Variants in CCNK observed in about 807,000 individuals in gnomAD.
CCNK encodes cyclin-K.
A neutral mutation model predicts 65.0 loss-of-function variants in CCNK; 9 were observed. The observed-to-expected ratio is 0.14, with a 90% CI of 0.08 to 0.24. The LOEUF (loss-of-function observed/expected upper bound fraction) is 0.24. Ranked by LOEUF, CCNK falls within the 10% of genes least tolerant of loss-of-function variation. CCNK has a pLI of 1.00. For missense variants in CCNK, 474 were observed against 720.0 expected (o/e 0.66, Z 3.91); for synonymous variants, 279 against 270.8 (o/e 1.03, Z -0.30).
At chr14:99,503,089 G>C in intron 8 of CCNK, 105 bp downstream of exon 8, 1 of 1,313,010 alleles carries the variant, frequency 7.6e-7, no homozygotes, top group Non-Finnish European at 1.1e-6. Flanking sequence ...ACCGGAAGCA[G>C]GGGGTGTTCG....
rs888943412 is a variant in CCNK at position 99,510,179 on chromosome 14, T to A, written c.1140T>A (p.Ala380=). 5 of 1,599,060 alleles carry A rather than the reference T, an allele frequency of 3.1e-6. No individual in the cohort carries two copies. Among genetic ancestry groups the A allele is most frequent in the Non-Finnish European group, 4.3e-6 (5 of 1,175,966 alleles). ...PPPDRKPPLA[A]ALGEAEPPGP... ...CAGACCGGAAGCCTCCCCTCGCTGCTGCCTTAGGTGAGGCTGAGCCGCCGG... is the reference window on the plus strand; with the variant it reads ...CAGACCGGAAGCCTCCCCTCGCTGCAGCCTTAGGTGAGGCTGAGCCGCCGG... The change falls in exon 11 of 11, where the codon GCT becomes GCA. Residue 380 remains alanine (A), a synonymous_variant. Transcript: ENST00000389879.
intron 1 of CCNK, among the ~76,000 whole-genome samples, chr14:99,489,344 C>CT (rs1436072007): frequency 6.6e-6 from 1 of 152,068 alleles, no homozygotes; most frequent in Non-Finnish European, 1.5e-5. Flanking sequence ...ATTAATGACA[C>CT]TACTAACAGT....
Position 99,510,926 on chromosome 14 carries a change from A to C in CCNK, c.*144A>C. On this transcript the variant is annotated 3_prime_UTR_variant, in exon 11 of 11. Coordinates refer to ENST00000389879, the MANE Select transcript of CCNK (RefSeq NM_001099402.2). Reference sequence around the variant, plus strand: ...AGAATGGACCGGGCCCCTGGGATAAAATCAGAGTGGTCCTCACACCTAGAG... The same window carrying C: ...AGAATGGACCGGGCCCCTGGGATAACATCAGAGTGGTCCTCACACCTAGAG... 1.4e-6 allele frequency: 1 copy of C among 699,012 alleles called. No homozygotes were observed. Among genetic ancestry groups the C allele is most frequent in the South Asian group, 5.4e-5 (1 of 18,678 alleles). 43.3% of individuals were successfully genotyped at this position (699,012 alleles called of 1,614,324 possible). A position where few individuals can be genotyped will look rare whatever the true frequency, so the allele number is the denominator to read the frequency against.
intron 4 of CCNK, among the ~76,000 whole-genome samples, chr14:99,497,511 G>A (rs1367248003): frequency 6.6e-6 from 1 of 152,204 alleles, no homozygotes; most frequent in African/African-American, 2.4e-5. Flanking sequence ...TCATTCAGTG[G>A]CAGGACAGAG....
rs1440555376 is a variant in CCNK at position 99,510,853 on chromosome 14, G to T, written c.*71G>T. On this transcript the variant is annotated 3_prime_UTR_variant, in exon 11 of 11. Coordinates refer to ENST00000389879, the MANE Select transcript of CCNK (RefSeq NM_001099402.2). ...TCGACTTGCAGAGTAGTTGAAGTGG[G>T]TAAGCAGCAGGGTACCTTGTATAAT... is the stretch of plus-strand genomic sequence containing the variant. 1.3e-5 allele frequency: 16 copies of T among 1,276,376 alleles called. No homozygotes were observed. The highest frequency in any genetic ancestry group is 1.3e-5 in the Non-Finnish European group (13 of 979,558). The allele number at this position is 1,276,376 out of a possible 1,614,324, so 79.1% of individuals were successfully genotyped here.
intron 7 of CCNK, 120 bp from the exon 8 acceptor site, chr14:99,502,599 A>C (rs1241402645): frequency 8.3e-7 from 1 of 1,205,360 alleles, no homozygotes; most frequent in African/African-American, 1.5e-5. Context: ...AGATGGGGTG[A>C]GTTGTAAATG....
intron 9 of CCNK, 114 bp downstream of exon 9, chr14:99,503,758 G>C (rs1896901870): frequency 2.3e-6 from 2 of 882,670 alleles, no homozygotes; most frequent in Non-Finnish European, 3.5e-6. Context: ...CTTAACTTTA[G>C]AGCTCATACA....
chr14:99,508,243 T>G (rs746622982), intron 10 of CCNK: 2 of 152,276 alleles, frequency 1.3e-5, no homozygotes, highest in Non-Finnish European at 1.5e-5. Context: ...AATATGAACC[T>G]TACTTAAATG....
chr14:99,505,501 G>C (rs1896951741), intron 9 of CCNK: 1 of 15,040 alleles, frequency 6.6e-5, no homozygotes, highest in Non-Finnish European at 1.7e-4. Context: ...GATCTATCGG[G>C]TTAAATAAAT....
chr14:99,500,684 T>G, intron 4 of CCNK, 82 bp from the exon 5 acceptor site: 1 of 890,202 alleles, frequency 1.1e-6, no homozygotes, highest in Non-Finnish European at 1.8e-6. Flanking sequence ...AGAGAATAAA[T>G]AGACAGGAAA....
In CCNK at chr14:99,492,822, T is replaced by C. The variant is rs1896623536; in HGVS notation, c.145T>C (p.Tyr49His). 2 of 1,611,424 alleles carry C rather than the reference T, an allele frequency of 1.2e-6. No individual in the cohort carries two copies. The highest frequency in any genetic ancestry group is 1.7e-6 in the Non-Finnish European group (2 of 1,179,298). The change falls in exon 2 of 11, where the codon TAC (tyrosine) becomes CAC (histidine). Residue 49 changes from tyrosine (Y) to histidine (H), a missense_variant. Tyr to His is a moderately conservative substitution (Grantham distance 83). Around this residue, in one of 6 missense-constraint regions of CCNK, gnomAD observed 87 missense variants for 166.2 expected, o/e 0.52. Coordinates refer to ENST00000389879, the MANE Select transcript of CCNK (RefSeq NM_001099402.2). ...EGLDPATEAR[Y>H]RREGARFIFD... is the part of the protein sequence containing the mutation. ...ACTTGATCCAGCCACCGAGGCCCGG[T>C]ACCGCCGAGAGGGCGCTCGGTTCAT...
intron 9 of CCNK, chr14:99,506,239 G>A (rs1427629689): frequency 6.6e-6 from 1 of 152,266 alleles, no homozygotes; most frequent in African/African-American, 2.4e-5. Flanking sequence ...GGCCAGTGAT[G>A]GCAGAGGAGA....
intron 1 of CCNK, among the ~76,000 whole-genome samples, chr14:99,489,471 A>G (rs951843689): frequency 6.6e-6 from 1 of 152,204 alleles, no homozygotes; most frequent in Admixed American, 6.5e-5. Flanking sequence ...TCGATGCTGC[A>G]GTGAACTAGG....
At chr14:99,496,458 C>T (rs1896703269) in intron 4 of CCNK, among the ~76,000 whole-genome samples, 1 of 152,184 alleles carries the variant, frequency 6.6e-6, no homozygotes, top group Non-Finnish European at 1.5e-5. Context: ...CGCCTGTAAT[C>T]CCAGCACTTT....
intron 2 of CCNK, chr14:99,493,185 T>A: frequency 2.3e-6 from 1 of 428,984 alleles, no homozygotes; most frequent in Non-Finnish European, 4.1e-6. Context: ...GGAGCATCCC[T>A]TGAAATCTGG....
At chr14:99,505,319 T>C (rs553294606) in intron 9 of CCNK, 38 of 152,342 alleles carry the variant, frequency 2.5e-4, no homozygotes, top group African/African-American at 8.7e-4. Context: ...TCAGCTGCAC[T>C]GTGCCATGCC....
In CCNK at chr14:99,511,842, A is replaced by G. The variant is rs764963427; in HGVS notation, c.*1060A>G. The G allele has an allele frequency of 3.3e-5, 5 of 152,510 alleles. No homozygotes were observed. Among genetic ancestry groups the G allele is most frequent in the Non-Finnish European group, 5.9e-5 (4 of 68,054 alleles). 9.4% of individuals were successfully genotyped at this position (152,510 alleles called of 1,614,324 possible). A position where few individuals can be genotyped will look rare whatever the true frequency, so the allele number is the denominator to read the frequency against. ...GGGGCTTGGATTTGAAACCCTTTCC[A>G]CTTCTGGCCTGTGATGAGACAGAGG... On this transcript the variant is annotated 3_prime_UTR_variant, in exon 11 of 11. Transcript: ENST00000389879.
At chr14:99,497,447 C>A (rs1444539108) in intron 4 of CCNK, among the ~76,000 whole-genome samples, 1 of 152,204 alleles carries the variant, frequency 6.6e-6, no homozygotes, top group South Asian at 2.1e-4. Flanking sequence ...AACTCCCTCC[C>A]CTTCTCAGCT....
intron 1 of CCNK, among the ~76,000 whole-genome samples, chr14:99,488,411 G>T (rs952762322): frequency 6.6e-6 from 1 of 152,164 alleles, no homozygotes; most frequent in Non-Finnish European, 1.5e-5. Flanking sequence ...GACCGGGTCA[G>T]TTGTTGAGTA....
Sources: allele counts gnomAD v4.1 joint callset (sites outside exome capture counted in the v4.1 genomes callset), GRCh38; gene constraint gnomAD v4.1.1; regional missense constraint gnomAD v4.1.1; transcripts MANE v1.5; gene names NCBI Gene and HGNC (gene_info 2026-07-23, HGNC 2026-07-21).